RPE65: variants seen among roughly 807,000 people sequenced by gnomAD.
The protein encoded by RPE65 is retinoid isomerohydrolase RPE65.
Under a neutral mutation model 68.5 loss-of-function variants are expected in RPE65, and 58 were observed. The observed-to-expected ratio is 0.85, with a 90% CI of 0.69 to 1.05. The LOEUF (loss-of-function observed/expected upper bound fraction) is 1.05, where lower values mean the gene tolerates loss of function less well. RPE65 is among the 50% of genes least tolerant of loss of function. The pLI, the probability that RPE65 is intolerant of heterozygous loss-of-function variation, is 0.00. For synonymous variants in RPE65, 220 were observed against 222.2 expected, an observed-to-expected ratio of 0.99 and a Z score of 0.09; for missense variants, 643 against 629.9, an observed-to-expected ratio of 1.02 and a Z score of -0.22.
intron 10 of RPE65, among the ~76,000 whole-genome samples, chr1:68,436,299 C>T (rs997856312): frequency 1.5e-4 from 23 of 152,220 alleles, no homozygotes; most frequent in African/African-American, 5.3e-4. Flanking sequence ...AGATTGATCT[C>T]TCTCCATGAT....
chr1:68,439,572 A>G lies in RPE65; in HGVS notation c.714T>C (p.Ser238=), dbSNP rs1159440503. 1 of 1,613,992 alleles carries G rather than the reference A, an allele frequency of 6.2e-7. No individual in the cohort carries two copies. The highest frequency in any genetic ancestry group is 8.5e-7 in the Non-Finnish European group (1 of 1,179,824). ...GGCCTTCAAGTTACCTATGAACGTA[A>G]GATGGCTTGAATCGGTCACTGCAGG... ...QFPCSDRFKP[S]YVHSFGLTPN... is the part of the protein sequence containing the mutation. Residue 238 remains serine (S), a synonymous_variant, in exon 7 of 14, where the codon TCT becomes TCC. Transcript: ENST00000262340.
Position 68,431,221 on chromosome 1 carries a change from C to G in RPE65, c.1339-45G>C, listed in dbSNP as rs982778495. 1.9e-6 allele frequency: 3 copies of G among 1,600,914 alleles called. No homozygotes were observed. In the African/African-American group the frequency reaches 4.0e-5, roughly 21 times the overall value. ...ATCAATCAAGCAATCAGTCAATATG[C>G]TTTACTTGACTAGCATATACTCAAA... On this transcript the variant is annotated intron_variant, in intron 12 of 13. Coordinates refer to ENST00000262340, the MANE Select transcript of RPE65 (RefSeq NM_000329.3).
chr1:68,433,619 G>A (rs1450202316), intron 10 of RPE65, among the ~76,000 whole-genome samples: 1 of 152,102 alleles, frequency 6.6e-6, no homozygotes, highest in Non-Finnish European at 1.5e-5. Context: ...AGAGGAGGGT[G>A]TGGAATATTT....
intron 10 of RPE65, among the ~76,000 whole-genome samples, chr1:68,433,468 A>T (rs1645840178): frequency 6.6e-6 from 1 of 152,144 alleles, no homozygotes. Flanking sequence ...ATGAGTACAG[A>T]TGCTGGTGGG....
chr1:68,429,658 CGCATCT>C lies in RPE65; in HGVS notation c.*112_*117del. On this transcript the variant is annotated 3_prime_UTR_variant, in exon 14 of 14. Transcript: ENST00000262340. ...TTCTGTAAAACATTGCAAAATTGTG[CGCATCT>C]GCAAGTTAAAACCATGACATATAGC... 8.2e-7 allele frequency: 1 copy of C among 1,219,966 alleles called. No homozygotes were observed. The highest frequency in any genetic ancestry group is 1.2e-6 in the Non-Finnish European group (1 of 848,844). 75.6% of individuals were successfully genotyped at this position (1,219,966 alleles called of 1,614,324 possible).
chr1:68,448,741 T>C, intron 1 of RPE65, 35 bp from the exon 2 acceptor site: 13 of 1,591,292 alleles, frequency 8.2e-6, no homozygotes, highest in Non-Finnish European at 1.1e-5. Flanking sequence ...GAAGCCCATG[T>C]TGATGCTCAA....
At chr1:68,441,728 G>A (rs991719344) in intron 5 of RPE65, among the ~76,000 whole-genome samples, 2 of 152,058 alleles carry the variant, frequency 1.3e-5, no homozygotes, top group Non-Finnish European at 2.9e-5. Context: ...ATTTCCACCT[G>A]GGACCTACTT....
intron 10 of RPE65, among the ~76,000 whole-genome samples, 200 bp from the exon 11 acceptor site, chr1:68,431,785 C>G (rs1194654879): frequency 1.3e-5 from 2 of 151,982 alleles, no homozygotes; most frequent in African/African-American, 2.4e-5. Flanking sequence ...CTATGTATCA[C>G]TGGGAAAGTC....
At chr1:68,435,827 A>G (rs1042121067) in intron 10 of RPE65, among the ~76,000 whole-genome samples, 2 of 152,212 alleles carry the variant, frequency 1.3e-5, no homozygotes, top group Non-Finnish European at 2.9e-5. Flanking sequence ...GCTGACATGC[A>G]TGGCTATTCC....
chr1:68,447,072 T>C lies in RPE65; in HGVS notation c.95-212A>G, dbSNP rs2012235. Among the ~76,000 whole-genome samples the C allele has an allele frequency of 0.42, 63,404 of 151,906 alleles. 15,416 individuals are homozygous for C. The highest frequency in any genetic ancestry group is 0.66 in the African/African-American group (27,512 of 41,406). ...CACTAGGAGATCACACCTTGGGAAA[T>C]GTGGAGATGCCCCAGAGTGTGGATA... On this transcript the variant is annotated intron_variant, in intron 2 of 13. Coordinates refer to ENST00000262340, the MANE Select transcript of RPE65 (RefSeq NM_000329.3).
Position 68,438,930 on chromosome 1 carries a change from G to A in RPE65, c.998+12C>T, listed in dbSNP as rs1267150385. ...ATGGGAGGTGTCCCATTTGTCCAGT[G>A]TCCTTTCTTACCCTTTCCAGCAGCA... On this transcript the variant is annotated intron_variant, in intron 9 of 13. Coordinates refer to ENST00000262340, the MANE Select transcript of RPE65 (RefSeq NM_000329.3). 8.1e-6 allele frequency: 13 copies of A among 1,613,960 alleles called. No homozygotes were observed. The highest frequency in any genetic ancestry group is 1.1e-5 in the Non-Finnish European group (13 of 1,179,922).
intron 13 of RPE65, 46 bp from the exon 14 acceptor site, chr1:68,429,973 C>T (rs760916063): frequency 1.2e-6 from 2 of 1,607,122 alleles, no homozygotes; most frequent in South Asian, 1.1e-5. Flanking sequence ...TTTAAAAGCC[C>T]AAGCTATAGA....
intron 4 of RPE65, 26 bp downstream of exon 4, chr1:68,444,750 G>GTAAC: frequency 2.5e-6 from 4 of 1,613,726 alleles, no homozygotes; most frequent in Non-Finnish European, 3.4e-6. Context: ...AATGTCTTGA[G>GTAAC]TAACATTCAG....
chr1:68,448,720 A>G lies in RPE65; in HGVS notation c.12-14T>C, dbSNP rs757456911. 1 of 1,608,966 alleles carries G rather than the reference A, an allele frequency of 6.2e-7. No homozygotes were observed. Among genetic ancestry groups the G allele is most frequent in the African/African-American group, 1.3e-5 (1 of 74,850 alleles). ...GGATGCTCAACCCTGAAATGGTGGAAGAATAAGGAAGAAGCCCATGTTGAT... is the reference window on the plus strand; with the variant it reads ...GGATGCTCAACCCTGAAATGGTGGAGGAATAAGGAAGAAGCCCATGTTGAT... On this transcript the variant is annotated splice_polypyrimidine_tract_variant and intron_variant, in intron 1 of 13. Transcript: ENST00000262340.
chr1:68,436,147 G>T (rs1214497470), intron 10 of RPE65, among the ~76,000 whole-genome samples: 2 of 152,112 alleles, frequency 1.3e-5, no homozygotes, highest in African/African-American at 4.8e-5. Context: ...CCTTAAAGAT[G>T]ATTGTGATTT....
At position 68,444,572 on chromosome 1, in the gene RPE65, T is replaced by G. The variant is rs1294404717; in HGVS notation, c.454A>C (p.Ile152Leu). The G allele has an allele frequency of 6.2e-7, 1 of 1,614,190 alleles. No homozygotes were observed. Among genetic ancestry groups the G allele is most frequent in the African/African-American group, 1.3e-5 (1 of 75,052 alleles). The change falls in exon 5 of 14, where the codon ATT becomes CTT. Residue 152 changes from isoleucine to leucine, a missense_variant. Physicochemically the swap from Ile to Leu is conservative, Grantham distance 5. Coordinates refer to ENST00000262340, the MANE Select transcript of RPE65 (RefSeq NM_000329.3). ...AAGGTCTCTGGATTAATCTTTGTAA[T>G]AAAGTTGGTCTCTGTGCAAGCGTAG... Reference protein sequence around the residue: ...DYYACTETNFITKINPETLET... With the variant: ...DYYACTETNFLTKINPETLET...
chr1:68,444,325 T>TGAA (rs1645925729), intron 5 of RPE65, among the ~76,000 whole-genome samples: 1 of 152,224 alleles, frequency 6.6e-6, no homozygotes, highest in Non-Finnish European at 1.5e-5. Flanking sequence ...AATGTGGCTC[T>TGAA]CATGTTCTTT....
intron 5 of RPE65, among the ~76,000 whole-genome samples, chr1:68,441,729 G>C (rs1314913791): frequency 1.3e-5 from 2 of 151,918 alleles, no homozygotes; most frequent in Admixed American, 6.6e-5. Flanking sequence ...TTTCCACCTG[G>C]GACCTACTTG....
chr1:68,439,595 A>C lies in RPE65; in HGVS notation c.691T>G (p.Cys231Gly). ...TAAGATGGCTTGAATCGGTCACTGC[A>C]GGGGAATTGTACAACGATCTCTGAC... ...SKSEIVVQFP[C>G]SDRFKPSYVH... The change falls in exon 7 of 14, where the codon TGC becomes GGC. Residue 231 changes from cysteine to glycine, a missense_variant. By Grantham distance (159) the Cys-to-Gly change is radical (BLOSUM62 -3). Coordinates refer to ENST00000262340, the MANE Select transcript of RPE65 (RefSeq NM_000329.3). 6.2e-7 allele frequency: 1 copy of C among 1,613,976 alleles called. No homozygotes were observed.
Sources: gnomAD v4.1 joint callset for allele counts (sites outside exome capture counted in the v4.1 genomes callset) on GRCh38, gnomAD v4.1.1 for gene constraint, MANE v1.5 for transcripts, NCBI Gene and HGNC (gene_info 2026-07-23, HGNC 2026-07-21) for gene names.